Variants in ENOX1 observed in about 807,000 individuals in gnomAD.
ENOX1 encodes the protein candidate growth-related and time keeping constitutive hydroquinone (NADH) oxidase.
A neutral mutation model predicts 82.5 loss-of-function variants in ENOX1; 42 were observed. The observed-to-expected ratio is 0.51, with a 90% CI of 0.40 to 0.66. ENOX1 has a LOEUF of 0.66. Ranked by LOEUF, ENOX1 falls within the 30% of genes least tolerant of loss-of-function variation. ENOX1 has a pLI of 0.00. For missense variants in ENOX1, 608 were observed against 811.6 expected (o/e 0.75, Z 3.05); for synonymous variants, 271 against 282.2 (o/e 0.96, Z 0.40).
At chr13:43,230,946 G>C (rs1182846282) in intron 15 of ENOX1, among the ~76,000 whole-genome samples, 1 of 152,140 alleles carries the variant, frequency 6.6e-6, no homozygotes, top group East Asian at 1.9e-4. Context: ...ACTACCCCCA[G>C]GCTGCTTGGA....
intron 5 of ENOX1, among the ~76,000 whole-genome samples, chr13:43,379,388 A>G (rs1251031025): frequency 6.6e-6 from 1 of 152,162 alleles, no homozygotes; most frequent in East Asian, 1.9e-4. Flanking sequence ...GAATTCGTAG[A>G]CAAAAATATT....
At chr13:43,406,389 G>A (rs1482762313) in intron 5 of ENOX1, among the ~76,000 whole-genome samples, 1 of 152,116 alleles carries the variant, frequency 6.6e-6, no homozygotes, top group African/African-American at 2.4e-5. Flanking sequence ...AACACTTAAG[G>A]GTGCTGATAG....
intron 2 of ENOX1, among the ~76,000 whole-genome samples, chr13:43,572,128 T>C (rs1488011951): frequency 3.3e-5 from 5 of 152,048 alleles, no homozygotes; most frequent in African/African-American, 9.7e-5. Context: ...TTATAATACA[T>C]AGAGATAAAC....
chr13:43,750,031 A>T (rs1042577285), intron 1 of ENOX1, among the ~76,000 whole-genome samples: 2 of 152,172 alleles, frequency 1.3e-5, no homozygotes, highest in African/African-American at 2.4e-5. Flanking sequence ...TCATTTTTTT[A>T]AATTATAACA....
chr13:43,457,585 G>A (rs957236000), intron 3 of ENOX1, among the ~76,000 whole-genome samples: 1 of 152,132 alleles, frequency 6.6e-6, no homozygotes, highest in African/African-American at 2.4e-5. Context: ...ACAGCAGGAA[G>A]ACTGGCCCAA....
intron 3 of ENOX1, among the ~76,000 whole-genome samples, chr13:43,442,533 C>A (rs567256575): frequency 1.3e-5 from 2 of 152,286 alleles, no homozygotes; most frequent in East Asian, 3.9e-4. Context: ...ATGACAATAT[C>A]CCCAAACCCA....
At chr13:43,602,556 A>G (rs1460894739) in intron 2 of ENOX1, among the ~76,000 whole-genome samples, 2 of 152,166 alleles carry the variant, frequency 1.3e-5, no homozygotes, top group Non-Finnish European at 2.9e-5. Context: ...CACTTAATAA[A>G]AATGTAGGAA....
At chr13:43,449,854 C>G (rs180995553) in intron 3 of ENOX1, among the ~76,000 whole-genome samples, 1 of 152,294 alleles carries the variant, frequency 6.6e-6, no homozygotes, top group East Asian at 1.9e-4. Flanking sequence ...AACACACTAG[C>G]TGCTCCCTGG....
intron 2 of ENOX1, among the ~76,000 whole-genome samples, chr13:43,627,037 A>C (rs1266522457): frequency 1.3e-5 from 2 of 151,968 alleles, no homozygotes; most frequent in South Asian, 2.1e-4. Flanking sequence ...TCATTATATT[A>C]TGTCCAGCTC....
intron 2 of ENOX1, among the ~76,000 whole-genome samples, chr13:43,665,213 G>A (rs1270638347): frequency 9.2e-5 from 14 of 152,164 alleles, no homozygotes; most frequent in Admixed American, 9.2e-4. Flanking sequence ...TCAGCAGGAG[G>A]CTCCCTTTTG....
chr13:43,309,024 ACT>A (rs2047031715), intron 11 of ENOX1, among the ~76,000 whole-genome samples: 2 of 61,688 alleles, frequency 3.2e-5, no homozygotes, highest in African/African-American at 4.8e-5. Flanking sequence ...GCTCAAAGTT[ACT>A]TTTTTTTTTT....
intron 3 of ENOX1, among the ~76,000 whole-genome samples, chr13:43,470,238 GTATATATATACA>G (rs1435465143): frequency 0.012 from 1,075 of 86,818 alleles, 181 homozygotes; most frequent in Middle Eastern, 0.021. Context: ...GTGTGTGTGT[GTATATATATACA>G]TATATATATA....
chr13:43,548,232 A>G (rs963606952), intron 2 of ENOX1, among the ~76,000 whole-genome samples: 2 of 152,154 alleles, frequency 1.3e-5, no homozygotes, highest in Non-Finnish European at 2.9e-5. Context: ...TAAGTCAAAA[A>G]TAACAAAATT....
chr13:43,482,658 A>AG (rs2058551534), intron 3 of ENOX1, among the ~76,000 whole-genome samples: 1 of 151,574 alleles, frequency 6.6e-6, no homozygotes, highest in South Asian at 2.1e-4. Context: ...TAAATGAAAA[A>AG]AAAAACTAAG....
chr13:43,471,873 A>T (rs766752623), intron 3 of ENOX1, among the ~76,000 whole-genome samples: 8 of 152,002 alleles, frequency 5.3e-5, no homozygotes, highest in Non-Finnish European at 1.2e-4. Context: ...TGAATGATGA[A>T]TGGACAGAGG....
intron 5 of ENOX1, among the ~76,000 whole-genome samples, chr13:43,378,933 T>A (rs754718423): frequency 6.6e-6 from 1 of 152,104 alleles, no homozygotes; most frequent in African/African-American, 2.4e-5. Flanking sequence ...GGGGGCACAA[T>A]ATAATCACAA....
At chr13:43,650,816 C>T (rs777232822) in intron 2 of ENOX1, among the ~76,000 whole-genome samples, 3 of 152,242 alleles carry the variant, frequency 2.0e-5, no homozygotes, top group African/African-American at 7.2e-5. Flanking sequence ...CCAGCCTGGG[C>T]GACAAGCGCA....
Position 43,435,888 on chromosome 13 carries a change from A to C in ENOX1, c.-74-22900T>G, listed in dbSNP as rs544971120. On this transcript the variant is annotated intron_variant, in intron 3 of 16. Coordinates refer to ENST00000690772, the MANE Select transcript of ENOX1 (RefSeq NM_001347969.2). ...TATTTTCATCTGGGGTATCAAGAAA[A>C]CACCATGAATGGAGAAGAATATGGT... 4.6e-4 allele frequency among the ~76,000 whole-genome samples: 70 copies of C among 151,950 alleles called. 1 individual carries two copies. Among genetic ancestry groups the C allele is most frequent in the African/African-American group, 1.5e-3 (63 of 41,482 alleles).
chr13:43,526,156 T>C (rs1566452248), intron 2 of ENOX1, among the ~76,000 whole-genome samples: 6 of 152,162 alleles, frequency 3.9e-5, no homozygotes, highest in South Asian at 2.1e-4. Context: ...TTTCTTTCAA[T>C]AGTGGCAGAC....
Sources: allele counts gnomAD v4.1 joint callset (sites outside exome capture counted in the v4.1 genomes callset), GRCh38; gene constraint gnomAD v4.1.1; transcripts MANE v1.5; gene names NCBI Gene and HGNC (gene_info 2026-07-23, HGNC 2026-07-21).